The following USP20 variants were observed in gnomAD, a reference collection of about 807,000 sequenced individuals.
USP20 encodes ubiquitin carboxyl-terminal hydrolase 20.
USP20 carries 80 observed loss-of-function variants against 124.2 expected under a neutral mutation model. The observed-to-expected ratio is 0.64, with a 90% CI of 0.54 to 0.78. The LOEUF (loss-of-function observed/expected upper bound fraction) is 0.78. Ranked by LOEUF, USP20 falls within the 30% of genes least tolerant of loss-of-function variation. USP20 has a pLI of 0.00. For missense variants in USP20, 1,043 were observed against 1,244.4 expected (o/e 0.84, Z 2.44); for synonymous variants, 481 against 512.3 (o/e 0.94, Z 0.83).
In USP20 at chr9:129,873,445, C is replaced by T. The variant is rs780927460; in HGVS notation, c.1661-37C>T. On this transcript the variant is annotated intron_variant, in intron 15 of 25. Transcript: ENST00000372429. ...TTTTTTTTGCTCCCTCATTTTGCAT[C>T]CTTGCTAACCTCTGACCCTTTGTTT... 12 of 1,613,250 alleles carry T rather than the reference C, an allele frequency of 7.4e-6. No homozygotes were observed. In the Admixed American group the frequency reaches 2.0e-4, roughly 27 times the overall value.
At chr9:129,874,276 G>A (rs897820519) in intron 17 of USP20, among the ~76,000 whole-genome samples, 2 of 152,226 alleles carry the variant, frequency 1.3e-5, no homozygotes, top group Non-Finnish European at 2.9e-5. Context: ...CTGGCAGAGG[G>A]GGCCCAGGTT....
rs371465449 is a variant in USP20, at chr9:129,874,558, C to T, written c.1741-18C>T. The T allele has an allele frequency of 4.0e-5, 64 of 1,597,560 alleles. No homozygotes were observed. The African/African-American group carries it at 7.1e-4, about 18-fold the overall frequency. On this transcript the variant is annotated intron_variant, in intron 17 of 25. Transcript: ENST00000372429. ...ATCATTTCTTCCTAGATGACCGGCG[C>T]TCTCTCTGTCCCCGCAGATCCTGTG... is the stretch of plus-strand genomic sequence containing the variant.
At chr9:129,869,211 C>A (rs1301209687) in intron 12 of USP20, 99 bp from the exon 13 acceptor site, 7 of 1,345,434 alleles carry the variant, frequency 5.2e-6, no homozygotes, top group African/African-American at 4.3e-5. Flanking sequence ...ATGTGACTCA[C>A]GGATGTCACT....
At position 129,868,291 on chromosome 9, in the gene USP20, G is replaced by A. The variant is rs964558898; in HGVS notation, c.977G>A (p.Arg326Gln). ...EAGRAISEKE[R>Q]MKDRKFSWGQ... ...GGCCGAGCCATCTCTGAGAAGGAGCGGATGAAGGACCGCAAGTTCTCCTGG... is the reference window on the plus strand; with the variant it reads ...GGCCGAGCCATCTCTGAGAAGGAGCAGATGAAGGACCGCAAGTTCTCCTGG... Residue 326 changes from arginine to glutamine, a missense_variant, in exon 11 of 26, where the codon CGG (arginine) becomes CAG (glutamine). Arg to Gln is a conservative substitution (Grantham distance 43). Transcript: ENST00000372429. The A allele has an allele frequency of 1.1e-5, 18 of 1,613,862 alleles. No homozygotes were observed. The highest frequency in any genetic ancestry group is 2.2e-5 in the East Asian group (1 of 44,884).
Position 129,874,844 on chromosome 9 carries a change from C to T in USP20, c.1937C>T (p.Ala646Val). The change falls in exon 19 of 26, where the codon GCC (alanine) becomes GTC (valine). Residue 646 changes from alanine (A) to valine (V), a missense_variant. By Grantham distance (64) the Ala-to-Val change is moderately conservative. Transcript: ENST00000372429. ...GCCGCCGCAGGTGGGCACTACATCG[C>T]CTACTGCCAGAACGTGATCAATGGG... ...HGTAGSGHYI[A>V]YCQNVINGQW... The T allele has an allele frequency of 6.2e-7, 1 of 1,614,136 alleles. No individual in the cohort carries two copies. The highest frequency in any genetic ancestry group is 8.5e-7 in the Non-Finnish European group (1 of 1,180,034).
chr9:129,843,708 G>A (rs2032370998), intron 1 of USP20, among the ~76,000 whole-genome samples: 1 of 152,120 alleles, frequency 6.6e-6, no homozygotes, highest in Non-Finnish European at 1.5e-5. Flanking sequence ...CTGCACTCCA[G>A]CCTGGGTAAC....
In USP20 at chr9:129,869,442, TG is replaced by T. The variant is rs769101549; in HGVS notation, c.1392+23del. ...TGTGACCGGGTGGGTGCCCCAGGGA[TG>T]GGGGGAGCTGGGCCAGGCTGCCAGT... On this transcript the variant is annotated intron_variant, in intron 13 of 25. Coordinates refer to ENST00000372429, the MANE Select transcript of USP20 (RefSeq NM_001110303.4). 3.8e-5 allele frequency: 61 copies of T among 1,609,314 alleles called. No homozygotes were observed. The highest frequency in any genetic ancestry group is 5.1e-5 in the Non-Finnish European group (60 of 1,176,474).
At chr9:129,874,500 C>A (rs2034285900) in intron 17 of USP20, 76 bp from the exon 18 acceptor site, 4 of 1,571,840 alleles carry the variant, frequency 2.5e-6, no homozygotes, top group Non-Finnish European at 3.5e-6. Context: ...CATCAGCTGT[C>A]CTGGGCCCGT....
At chr9:129,850,124 G>A (rs2032826193) in intron 2 of USP20, among the ~76,000 whole-genome samples, 200 bp downstream of exon 2, 1 of 152,180 alleles carries the variant, frequency 6.6e-6, no homozygotes, top group Non-Finnish European at 1.5e-5. Flanking sequence ...AGGAGGTTGA[G>A]ATGAAGCAAG....
chr9:129,840,486 G>T (rs2032138497), intron 1 of USP20, among the ~76,000 whole-genome samples: 1 of 152,116 alleles, frequency 6.6e-6, no homozygotes, highest in East Asian at 1.9e-4. Context: ...CCACCTCAAA[G>T]GTGAGAAAGG....
intron 1 of USP20, among the ~76,000 whole-genome samples, chr9:129,846,025 T>C (rs1228206354): frequency 6.6e-6 from 1 of 151,642 alleles, no homozygotes; most frequent in Non-Finnish European, 1.5e-5. Context: ...CCTGGGTTCA[T>C]GCCTTTCTCC....
chr9:129,846,576 TTG>T (rs1479020851), intron 1 of USP20, among the ~76,000 whole-genome samples: 1 of 151,082 alleles, frequency 6.6e-6, no homozygotes, highest in African/African-American at 2.4e-5. Context: ...TTTTATAACT[TTG>T]TATTTTGGGG....
At chr9:129,878,487 G>A (rs1349126181) in intron 23 of USP20, 47 bp downstream of exon 23, 1 of 1,493,246 alleles carries the variant, frequency 6.7e-7, no homozygotes, top group Non-Finnish European at 9.1e-7. Context: ...GGGGCCTCCT[G>A]GGAGATGGGA....
chr9:129,875,283 G>A, intron 19 of USP20, 27 bp from the exon 20 acceptor site: 1 of 1,578,940 alleles, frequency 6.3e-7, no homozygotes, highest in African/African-American at 1.3e-5. Context: ...GTCAGGCACA[G>A]CTTCTCGCCC....
chr9:129,842,047 T>A (rs2032245683), intron 1 of USP20, among the ~76,000 whole-genome samples: 1 of 152,104 alleles, frequency 6.6e-6, no homozygotes, highest in Non-Finnish European at 1.5e-5. Context: ...GTCATGCAAA[T>A]CAATAAAAAA....
Position 129,870,652 on chromosome 9 carries a change from A to C in USP20, c.1660+105A>C, listed in dbSNP as rs938749303. The C allele has an allele frequency of 3.1e-6, 4 of 1,286,092 alleles. No individual in the cohort carries two copies. The African/African-American group carries it at 4.4e-5, about 14-fold the overall frequency. The allele number at this position is 1,286,092 out of a possible 1,614,324, so 79.7% of individuals were successfully genotyped here. ...GCAGCCCAGGGCTTGTGGGATGCAC[A>C]GCCAGGCTAGACTTGGCTTCCAAGG... On this transcript the variant is annotated intron_variant, in intron 15 of 25. Transcript: ENST00000372429.
intron 4 of USP20, among the ~76,000 whole-genome samples, chr9:129,857,546 CAG>C (rs939758562): frequency 1.3e-5 from 2 of 152,168 alleles, no homozygotes; most frequent in African/African-American, 2.4e-5. Context: ...GCAGTGTCAT[CAG>C]GGGCATGTGG....
At chr9:129,837,030 G>T (rs535960778) in intron 1 of USP20, among the ~76,000 whole-genome samples, 1 of 152,210 alleles carries the variant, frequency 6.6e-6, no homozygotes, top group African/African-American at 2.4e-5. Context: ...AAGTCCCAGG[G>T]TACAGATGAG....
intron 2 of USP20, among the ~76,000 whole-genome samples, chr9:129,850,871 C>T (rs1161984898): frequency 3.9e-5 from 6 of 152,118 alleles, no homozygotes; most frequent in Admixed American, 2.6e-4. Flanking sequence ...TCAGGCTGGT[C>T]TTGATCTCCT....
Sources: allele counts gnomAD v4.1 joint callset (sites outside exome capture counted in the v4.1 genomes callset), GRCh38; gene constraint gnomAD v4.1.1; transcripts MANE v1.5; gene names NCBI Gene and HGNC (gene_info 2026-07-23, HGNC 2026-07-21).